Variants in HMBOX1 observed in about 807,000 individuals in gnomAD.
HMBOX1 encodes the protein homeobox-containing protein 1.
HMBOX1 carries 14 observed loss-of-function variants against 54.5 expected under a neutral mutation model. The ratio of observed to expected loss-of-function variants is 0.26; its 90% CI spans 0.17 to 0.40. HMBOX1 has a LOEUF of 0.40. Ranked by LOEUF, HMBOX1 falls within the 10% of genes least tolerant of loss-of-function variation. The pLI is 1.00. For synonymous variants in HMBOX1, 160 were observed against 181.0 expected, an observed-to-expected ratio of 0.88 and a Z score of 0.93; for missense variants, 332 against 514.4, an observed-to-expected ratio of 0.65 and a Z score of 3.43.
intron 1 of HMBOX1, among the ~76,000 whole-genome samples, chr8:28,921,629 T>A (rs1817575679): frequency 6.6e-6 from 1 of 152,234 alleles, no homozygotes; most frequent in South Asian, 2.1e-4. Flanking sequence ...TTTCATTCAT[T>A]ATTCAGTGTT....
At chr8:28,902,352 T>A (rs1813388715) in intron 1 of HMBOX1, among the ~76,000 whole-genome samples, 1 of 152,132 alleles carries the variant, frequency 6.6e-6, no homozygotes, top group Non-Finnish European at 1.5e-5. Flanking sequence ...TCCTTCATTT[T>A]CACAGTTCAT....
intron 4 of HMBOX1, among the ~76,000 whole-genome samples, chr8:28,989,319 T>C (rs1830618915): frequency 6.6e-6 from 1 of 152,156 alleles, no homozygotes; most frequent in Non-Finnish European, 1.5e-5. Flanking sequence ...TCTCAAAGAT[T>C]TTCTCATGTT....
intron 1 of HMBOX1, among the ~76,000 whole-genome samples, chr8:28,926,498 T>C (rs1976610): frequency 0.61 from 93,322 of 151,978 alleles, 29,111 homozygotes; most frequent in Admixed American, 0.7. Flanking sequence ...CTAAGAGGCA[T>C]AGTTAACTTT....
intron 4 of HMBOX1, among the ~76,000 whole-genome samples, chr8:28,988,170 A>G (rs1021408994): frequency 6.6e-6 from 1 of 152,204 alleles, no homozygotes; most frequent in Non-Finnish European, 1.5e-5. Context: ...TATCAGTGGA[A>G]TCATACAAAA....
intron 4 of HMBOX1, among the ~76,000 whole-genome samples, chr8:29,008,778 T>C (rs571608486): frequency 3.3e-5 from 5 of 152,336 alleles, no homozygotes; most frequent in Admixed American, 2.6e-4. Flanking sequence ...TAGCTTTTAC[T>C]TTAGGAATCT....
At chr8:28,986,378 G>C (rs574579113) in intron 4 of HMBOX1, among the ~76,000 whole-genome samples, 1 of 152,100 alleles carries the variant, frequency 6.6e-6, no homozygotes, top group Non-Finnish European at 1.5e-5. Flanking sequence ...TAAACAAGTG[G>C]AATTTCTATC....
intron 1 of HMBOX1, chr8:28,890,932 C>G (rs1008263240): frequency 6.6e-6 from 1 of 152,208 alleles, no homozygotes; most frequent in Non-Finnish European, 1.5e-5. Context: ...CCCAACTCTT[C>G]TGGTTTCCTC....
rs114221091 is a variant in HMBOX1, at chr8:28,904,098, A to G, written c.-58+13420A>G. Among the ~76,000 whole-genome samples the G allele has an allele frequency of 3.6e-3, 546 of 152,280 alleles. 4 individuals are homozygous for G. Among genetic ancestry groups the G allele is most frequent in the African/African-American group, 0.012 (490 of 41,548 alleles). The stretch of plus-strand genomic sequence containing the variant: ...ACGCCTTTTCTTTGTGTGTGACTCT[A>G]TCAGTTGACACTCTACATCAGTTTT... On this transcript the variant is annotated intron_variant, in intron 1 of 9. Transcript: ENST00000287701.
intron 4 of HMBOX1, among the ~76,000 whole-genome samples, chr8:29,001,549 CAAACA>C (rs59794853): frequency 0.25 from 38,029 of 149,454 alleles, 4,970 homozygotes; most frequent in South Asian, 0.31. Flanking sequence ...GATTCCATCT[CAAACA>C]AAACAAAACA....
chr8:28,990,635 G>A (rs1830842559), intron 4 of HMBOX1, among the ~76,000 whole-genome samples: 1 of 151,788 alleles, frequency 6.6e-6, no homozygotes, highest in Non-Finnish European at 1.5e-5. Context: ...CTATTTTTTT[G>A]TTTTGTTTTT....
At chr8:28,955,189 A>C (rs1208407820) in intron 1 of HMBOX1, among the ~76,000 whole-genome samples, 1 of 152,074 alleles carries the variant, frequency 6.6e-6, no homozygotes. Flanking sequence ...AAATGTGGCC[A>C]TATGCTTTTT....
At chr8:28,938,099 G>C (rs1563425570) in intron 1 of HMBOX1, among the ~76,000 whole-genome samples, 1 of 152,118 alleles carries the variant, frequency 6.6e-6, no homozygotes, top group African/African-American at 2.4e-5. Flanking sequence ...GGCCTCCTCA[G>C]TTCTCCATGT....
chr8:29,022,881 GA>G (rs1452274870), intron 6 of HMBOX1, among the ~76,000 whole-genome samples: 24 of 146,746 alleles, frequency 1.6e-4, no homozygotes, highest in African/African-American at 6.0e-4. Flanking sequence ...AAATGGGGGG[GA>G]GGGGGGGAGG....
chr8:28,991,871 CT>C (rs1267051772), intron 4 of HMBOX1, among the ~76,000 whole-genome samples: 5 of 152,098 alleles, frequency 3.3e-5, no homozygotes, highest in Admixed American at 2.0e-4. Context: ...AGCTAACCTT[CT>C]TTTTTTAGGG....
chr8:29,038,666 T>C (rs988801053), intron 6 of HMBOX1, among the ~76,000 whole-genome samples: 2 of 152,122 alleles, frequency 1.3e-5, no homozygotes, highest in Admixed American at 6.5e-5. Context: ...CCAAAGCATC[T>C]CTTGAATCTC....
chr8:28,963,244 A>G (rs182739111), intron 1 of HMBOX1, among the ~76,000 whole-genome samples: 1 of 152,292 alleles, frequency 6.6e-6, no homozygotes, highest in Non-Finnish European at 1.5e-5. Context: ...TCAGCCTCCT[A>G]AAGTGCTGGG....
At chr8:29,016,550 CTCATAGTTT>C in intron 5 of HMBOX1, among the ~76,000 whole-genome samples, 1 of 152,186 alleles carries the variant, frequency 6.6e-6, no homozygotes. Context: ...CATTTATTAT[CTCATAGTTT>C]TCATAGATCA....
At chr8:28,978,077 G>C (rs1407107131) in intron 3 of HMBOX1, among the ~76,000 whole-genome samples, 1 of 152,078 alleles carries the variant, frequency 6.6e-6, no homozygotes, top group Non-Finnish European at 1.5e-5. Context: ...TTTCCTTTAG[G>C]AATATTTTTG....
chr8:28,952,657 C>G (rs1823689358), intron 1 of HMBOX1, among the ~76,000 whole-genome samples: 1 of 152,106 alleles, frequency 6.6e-6, no homozygotes. Flanking sequence ...GTTGAAGTTA[C>G]AGGAAACAAT....
Sources: allele counts gnomAD v4.1 joint callset (sites outside exome capture counted in the v4.1 genomes callset), GRCh38; gene constraint gnomAD v4.1.1; transcripts MANE v1.5; gene names NCBI Gene and HGNC (gene_info 2026-07-23, HGNC 2026-07-21).